The following PCSK5 variants were observed in gnomAD, a reference collection of about 807,000 sequenced individuals.
PCSK5 encodes the protein proprotein convertase subtilisin/kexin type 5.
A neutral mutation model predicts 233.2 loss-of-function variants in PCSK5; 129 were observed. That is an observed-to-expected ratio of 0.55 (90% CI 0.48 to 0.64). The LOEUF is 0.64. Among genes scored for constraint, PCSK5 ranks in the 30% least tolerant of loss-of-function variants. The pLI, the probability that PCSK5 is intolerant of heterozygous loss-of-function variation, is 0.00. For missense variants in PCSK5, 2,076 were observed against 2,430.1 expected, an observed-to-expected ratio of 0.85 and a Z score of 3.06; for synonymous variants, 825 against 879.2, an observed-to-expected ratio of 0.94 and a Z score of 1.09.
At chr9:76,181,185 G>C (rs1823855028) in intron 15 of PCSK5, among the ~76,000 whole-genome samples, 1 of 152,204 alleles carries the variant, frequency 6.6e-6, no homozygotes, top group Admixed American at 6.5e-5. Context: ...CAAGTCCTTG[G>C]TAGATTTGGT....
In PCSK5 at chr9:76,292,242, G is replaced by T; in HGVS notation, c.3152G>T (p.Gly1051Val). The change falls in exon 25 of 38, where the codon GGA becomes GTA. Residue 1051 changes from glycine (G) to valine (V), a missense_variant. Coordinates refer to ENST00000674117, the MANE Select transcript of PCSK5 (RefSeq NM_001372043.1). ...GCLGCSLDDP[G>V]TCTSCAMGYY... ...TATTTTTTTTTTCCAGATGATCCAG[G>T]AACATGTACATCTTGCGCTATGGGG... The T allele has an allele frequency of 6.4e-7, 1 of 1,570,690 alleles. No homozygotes were observed. Among genetic ancestry groups the T allele is most frequent in the Non-Finnish European group, 8.7e-7 (1 of 1,143,294 alleles).
chr9:76,292,844 T>C (rs527899072), intron 25 of PCSK5, among the ~76,000 whole-genome samples: 1 of 152,248 alleles, frequency 6.6e-6, no homozygotes. Flanking sequence ...CTGTTGACCG[T>C]CCTAGAAGGA....
At chr9:75,941,661 T>C (rs1395561344) in intron 2 of PCSK5, among the ~76,000 whole-genome samples, 1 of 152,152 alleles carries the variant, frequency 6.6e-6, no homozygotes, top group Non-Finnish European at 1.5e-5. Flanking sequence ...TTTCTGAGTC[T>C]TTGCAAATCC....
rs766440847 is a variant in PCSK5 at position 76,292,237 on chromosome 9, T to G, written c.3147T>G (p.Asp1049Glu). ...EEGCLGCSLD[D>E]PGTCTSCAMG... is the part of the protein sequence containing the mutation. ...TTTATTATTTTTTTTTTCCAGATGA[T>G]CCAGGAACATGTACATCTTGCGCTA... Residue 1049 changes from aspartate (D) to glutamate (E), a missense_variant, in exon 25 of 38, where the codon GAT (aspartate) becomes GAG (glutamate). Physicochemically the swap from Asp to Glu is conservative, Grantham distance 45. Coordinates refer to ENST00000674117, the MANE Select transcript of PCSK5 (RefSeq NM_001372043.1). 2 of 1,560,658 alleles carry G rather than the reference T, an allele frequency of 1.3e-6. No homozygotes were observed. Among genetic ancestry groups the G allele is most frequent in the East Asian group, 2.2e-5 (1 of 44,684 alleles).
rs1829278269 is a variant in PCSK5, at chr9:76,323,742, T to G, written c.4339+454T>G. Among the ~76,000 whole-genome samples, 6 of 152,330 alleles carry G rather than the reference T, an allele frequency of 3.9e-5. No homozygotes were observed. In the South Asian group the frequency reaches 1.0e-3, roughly 26 times the overall value. Reference sequence around the variant, plus strand: ...TAAGCTTTGTACAGGTAACTTTTATTAGTGACAAATCACGTGGACCTTCCT... The same window carrying G: ...TAAGCTTTGTACAGGTAACTTTTATGAGTGACAAATCACGTGGACCTTCCT... On this transcript the variant is annotated intron_variant, in intron 32 of 37. Coordinates refer to ENST00000674117, the MANE Select transcript of PCSK5 (RefSeq NM_001372043.1).
chr9:76,098,504 C>G (rs970758624), intron 8 of PCSK5, among the ~76,000 whole-genome samples: 1 of 152,186 alleles, frequency 6.6e-6, no homozygotes, highest in African/African-American at 2.4e-5. Flanking sequence ...TCCACTAGCA[C>G]GGAGTGACAT....
chr9:76,189,802 C>A, intron 20 of PCSK5, 56 bp downstream of exon 20: 1 of 646,200 alleles, frequency 1.5e-6, no homozygotes, highest in Non-Finnish European at 2.7e-6. Context: ...TTTCTACTTT[C>A]AGGACTAATA....
intron 30 of PCSK5, among the ~76,000 whole-genome samples, chr9:76,312,140 G>A (rs915205496): frequency 2.6e-5 from 4 of 152,132 alleles, no homozygotes; most frequent in African/African-American, 7.2e-5. Flanking sequence ...ATAAATGTGC[G>A]GAAGTAACTG....
chr9:76,284,877 T>G (rs1587834935), intron 24 of PCSK5, among the ~76,000 whole-genome samples: 1 of 152,132 alleles, frequency 6.6e-6, no homozygotes, highest in Non-Finnish European at 1.5e-5. Flanking sequence ...TATTTCTTCA[T>G]AGCAGTATGA....
intron 12 of PCSK5, among the ~76,000 whole-genome samples, chr9:76,162,016 A>T (rs1822883517): frequency 6.6e-6 from 1 of 152,144 alleles, no homozygotes; most frequent in Admixed American, 6.5e-5. Context: ...CTCAGTCCTG[A>T]AAATAAGTAG....
intron 26 of PCSK5, among the ~76,000 whole-genome samples, 184 bp from the exon 27 acceptor site, chr9:76,296,481 T>G (rs959552580): frequency 6.6e-6 from 1 of 152,108 alleles, no homozygotes; most frequent in African/African-American, 2.4e-5. Context: ...AGGTGGAGGA[T>G]GCAGTGAGCC....
rs188681345 is a variant in PCSK5, at chr9:76,139,386, T to G, written c.1312+5174T>G. On this transcript the variant is annotated intron_variant, in intron 10 of 37. Coordinates refer to ENST00000674117, the MANE Select transcript of PCSK5 (RefSeq NM_001372043.1). Reference sequence around the variant, plus strand: ...TTCGCCACCTACTATGCTGATACACTGTTGGTAGCTATGATTAAAGCTACA... The same window carrying G: ...TTCGCCACCTACTATGCTGATACACGGTTGGTAGCTATGATTAAAGCTACA... Among the ~76,000 whole-genome samples the G allele has an allele frequency of 4.9e-3, 743 of 152,250 alleles. 9 individuals carry two copies. Among genetic ancestry groups the G allele is most frequent in the African/African-American group, 0.017 (688 of 41,554 alleles).
intron 20 of PCSK5, among the ~76,000 whole-genome samples, chr9:76,210,311 C>T (rs1311610239): frequency 5.3e-5 from 8 of 152,124 alleles, no homozygotes; most frequent in Admixed American, 1.3e-4. Flanking sequence ...AGAGTTTCCC[C>T]ACTGATGAGG....
At chr9:76,183,031 T>C (rs962920528) in intron 16 of PCSK5, among the ~76,000 whole-genome samples, 1 of 152,126 alleles carries the variant, frequency 6.6e-6, no homozygotes, top group African/African-American at 2.4e-5. Context: ...GCCCCAAAAT[T>C]TAGAACATGA....
At chr9:75,984,085 C>G (rs566796102) in intron 2 of PCSK5, among the ~76,000 whole-genome samples, 21 of 152,158 alleles carry the variant, frequency 1.4e-4, no homozygotes, top group Non-Finnish European at 3.1e-4. Context: ...ACCTTCTAGC[C>G]ACTAAGTCCT....
intron 5 of PCSK5, among the ~76,000 whole-genome samples, chr9:76,057,225 T>A (rs1829853462): frequency 6.6e-6 from 1 of 152,190 alleles, no homozygotes; most frequent in African/African-American, 2.4e-5. Flanking sequence ...ACATACCTCT[T>A]GCTGACCACC....
intron 5 of PCSK5, among the ~76,000 whole-genome samples, chr9:76,060,015 A>G (rs941643755): frequency 1.3e-5 from 2 of 152,184 alleles, no homozygotes; most frequent in East Asian, 3.8e-4. Flanking sequence ...GAGCCAAAAG[A>G]CTTTCTCAAA....
At chr9:75,981,127 C>T (rs1826256900) in intron 2 of PCSK5, among the ~76,000 whole-genome samples, 2 of 152,194 alleles carry the variant, frequency 1.3e-5, no homozygotes, top group South Asian at 4.1e-4. Context: ...ATTTACTACA[C>T]TCCTTTATGA....
intron 24 of PCSK5, among the ~76,000 whole-genome samples, chr9:76,255,431 C>G (rs1339115467): frequency 6.6e-6 from 1 of 152,206 alleles, no homozygotes; most frequent in Non-Finnish European, 1.5e-5. Flanking sequence ...GAAGCTGAAA[C>G]AGAGGCAGAT....
Sources: allele counts gnomAD v4.1 joint callset (sites outside exome capture counted in the v4.1 genomes callset), GRCh38; gene constraint gnomAD v4.1.1; transcripts MANE v1.5; gene names NCBI Gene and HGNC (gene_info 2026-07-23, HGNC 2026-07-21).